The following LLGL2 variants were observed in gnomAD, a reference collection of about 807,000 sequenced individuals.
LLGL2 encodes LLGL scribble cell polarity complex component 2.
A neutral mutation model predicts 123.2 loss-of-function variants in LLGL2; 81 were observed. That is an observed-to-expected ratio of 0.66 (90% CI 0.55 to 0.79). LLGL2 has a LOEUF of 0.79. Among genes scored for constraint, LLGL2 ranks in the 30% least tolerant of loss-of-function variants. The pLI is 0.00. For synonymous variants in LLGL2, 577 were observed against 594.1 expected (o/e 0.97, Z 0.42); for missense variants, 1,273 against 1,414.6 (o/e 0.90, Z 1.61).
intron 1 of LLGL2, among the ~76,000 whole-genome samples, chr17:75,532,077 C>CACACACACACA (rs58220046): frequency 6.0e-4 from 50 of 83,982 alleles, no homozygotes; most frequent in African/African-American, 1.2e-3. Flanking sequence ...CACACACACA[C>CACACACACACA]TTTTTTTTTT....
intron 21 of LLGL2, 104 bp downstream of exon 21, chr17:75,573,735 G>A (rs557771452): frequency 2.1e-5 from 24 of 1,129,178 alleles, no homozygotes; most frequent in Admixed American, 3.0e-5. Flanking sequence ...ACCTCCCCAC[G>A]AGCTCAGCCC....
chr17:75,555,814 G>A (rs947510871), intron 2 of LLGL2, among the ~76,000 whole-genome samples: 3 of 152,174 alleles, frequency 2.0e-5, no homozygotes, highest in Non-Finnish European at 2.9e-5. Flanking sequence ...GTATGGTGTC[G>A]GGGAAGATCA....
chr17:75,535,904 G>A (rs769401516), intron 1 of LLGL2, among the ~76,000 whole-genome samples: 3 of 152,210 alleles, frequency 2.0e-5, no homozygotes, highest in Non-Finnish European at 2.9e-5. Context: ...TGGGTGAGTG[G>A]AACAGTGAGG....
At chr17:75,535,316 G>A (rs1443522398) in intron 1 of LLGL2, among the ~76,000 whole-genome samples, 3 of 152,262 alleles carry the variant, frequency 2.0e-5, no homozygotes, top group Non-Finnish European at 4.4e-5. Flanking sequence ...GCTGTGGGGA[G>A]CACGAGCGAA....
intron 10 of LLGL2, chr17:75,568,242 G>T (rs935046224): frequency 7.1e-7 from 1 of 1,416,712 alleles, no homozygotes; most frequent in South Asian, 1.6e-5. Context: ...TTCCAGCCAG[G>T]TGTATCCCCC....
intron 2 of LLGL2, 92 bp downstream of exon 2, chr17:75,543,593 T>TGCCTGC: frequency 1.0e-6 from 1 of 997,056 alleles, no homozygotes; most frequent in Non-Finnish European, 1.5e-6. Flanking sequence ...GATTAAGGTA[T>TGCCTGC]AGCTCTTATG....
chr17:75,571,631 C>T, intron 17 of LLGL2, 36 bp from the exon 18 acceptor site: 1 of 1,523,498 alleles, frequency 6.6e-7, no homozygotes, highest in Non-Finnish European at 9.0e-7. Flanking sequence ...GACTCCCACG[C>T]TAAGGGTCAG....
At chr17:75,552,885 G>C (rs1474129082) in intron 2 of LLGL2, among the ~76,000 whole-genome samples, 1 of 152,214 alleles carries the variant, frequency 6.6e-6, no homozygotes, top group African/African-American at 2.4e-5. Flanking sequence ...GGAGCATGGG[G>C]CCTGCTCCTG....
At position 75,574,223 on chromosome 17, in the gene LLGL2, C is replaced by G. The variant is rs559232777; in HGVS notation, c.2916C>G (p.Pro972=). The change falls in exon 23 of 26, where the codon CCC becomes CCG. Residue 972 remains proline (P), a synonymous_variant. Transcript: ENST00000392550. ...GTQSDGEEKQ[P]GLVMERALLS... ...GCCTCTACCTTCCAGAGAAGCAGCC[C>G]GGCCTGGTGATGGAGCGCGCTCTGC... The G allele has an allele frequency of 3.8e-6, 5 of 1,329,626 alleles. No homozygotes were observed. The South Asian group carries it at 5.0e-5, about 13-fold the overall frequency. 82.4% of individuals were successfully genotyped at this position (1,329,626 alleles called of 1,614,324 possible). A position where few individuals can be genotyped will look rare whatever the true frequency, so the allele number is the denominator to read the frequency against.
chr17:75,568,638 T>C lies in LLGL2; in HGVS notation c.1199T>C (p.Leu400Pro), dbSNP rs756949213. Residue 400 changes from leucine (L) to proline (P), a missense_variant, in exon 11 of 26, where the codon CTG becomes CCG. Leu to Pro is a moderately conservative substitution (Grantham distance 98). Coordinates refer to ENST00000392550, the MANE Select transcript of LLGL2 (RefSeq NM_001031803.2). Reference sequence around the variant, plus strand: ...CACGTCTCCAACATCCCGCTGAAGCTGTGGGAGCGGATCATTGCCGCCGGC... The same window carrying C: ...CACGTCTCCAACATCCCGCTGAAGCCGTGGGAGCGGATCATTGCCGCCGGC... ...SHHVSNIPLK[L>P]WERIIAAGSR... The C allele has an allele frequency of 3.4e-5, 55 of 1,613,812 alleles. No individual in the cohort carries two copies. The highest frequency in any genetic ancestry group is 4.5e-5 in the Non-Finnish European group (53 of 1,180,044).
intron 10 of LLGL2, among the ~76,000 whole-genome samples, chr17:75,565,876 C>A (rs1462003934): frequency 6.6e-6 from 1 of 152,232 alleles, no homozygotes; most frequent in African/African-American, 2.4e-5. Flanking sequence ...TAATGAGCAA[C>A]TGCTATATGC....
chr17:75,550,339 A>G (rs2054609446), intron 2 of LLGL2, among the ~76,000 whole-genome samples: 1 of 152,150 alleles, frequency 6.6e-6, no homozygotes, highest in Non-Finnish European at 1.5e-5. Flanking sequence ...CACTCCCTCT[A>G]ACAGGGACCT....
Position 75,570,464 on chromosome 17 carries a change from G to A in LLGL2, c.1991G>A (p.Ser664Asn). 6.3e-7 allele frequency: 1 copy of A among 1,588,794 alleles called. No individual in the cohort carries two copies. The highest frequency in any genetic ancestry group is 1.3e-5 in the African/African-American group (1 of 74,540). Residue 664 changes from serine to asparagine, a missense_variant, in exon 16 of 26, where the codon AGC (serine) becomes AAC (asparagine). By Grantham distance (46) the Ser-to-Asn change is conservative. Transcript: ENST00000392550. ...CGGATGCGTCGGAGCCGGGTGTCCAGCCGGAAGCGGCACCCGGCTGGCCCC... is the reference window on the plus strand; with the variant it reads ...CGGATGCGTCGGAGCCGGGTGTCCAACCGGAAGCGGCACCCGGCTGGCCCC... ...FRRMRRSRVS[S>N]RKRHPAGPPG...
chr17:75,553,868 G>A (rs983090352), intron 2 of LLGL2, among the ~76,000 whole-genome samples: 2 of 152,140 alleles, frequency 1.3e-5, no homozygotes, highest in South Asian at 2.1e-4. Flanking sequence ...CTCAAGTGGT[G>A]CAGACAAAGA....
At chr17:75,529,338 A>T (rs2053690651) in intron 1 of LLGL2, among the ~76,000 whole-genome samples, 1 of 151,368 alleles carries the variant, frequency 6.6e-6, no homozygotes, top group Non-Finnish European at 1.5e-5. Flanking sequence ...CTGGGATTGC[A>T]GGCAGGCACC....
rs1197909665 is a variant in LLGL2 at position 75,558,990 on chromosome 17, C to T, written c.372-262C>T. The T allele has an allele frequency of 9.0e-6, 5 of 554,710 alleles. No individual in the cohort carries two copies. The highest frequency in any genetic ancestry group is 1.6e-5 in the Non-Finnish European group (5 of 310,618). 34.4% of individuals were successfully genotyped at this position (554,710 alleles called of 1,614,324 possible). A position where few individuals can be genotyped will look rare whatever the true frequency, so the allele number is the denominator to read the frequency against. Reference sequence around the variant, plus strand: ...CGCCTCCTCCATCCGCACCCCGCCTCCTCCATCTGCACCCCGCCTCCTCCA... The same window carrying T: ...CGCCTCCTCCATCCGCACCCCGCCTTCTCCATCTGCACCCCGCCTCCTCCA... On this transcript the variant is annotated intron_variant, in intron 5 of 25. Transcript: ENST00000392550. The surrounding 1 kb of genome is among the most constrained non-coding windows in gnomAD (Gnocchi z 4.0).
At chr17:75,574,826 C>T (rs368291164) in intron 25 of LLGL2, 45 bp from the exon 26 acceptor site, 87 of 1,610,754 alleles carry the variant, frequency 5.4e-5, no homozygotes, top group Middle Eastern at 1.7e-4. Context: ...TGGGGCACCC[C>T]GTCCTGCCCA....
At chr17:75,552,576 T>G (rs993020972) in intron 2 of LLGL2, among the ~76,000 whole-genome samples, 1 of 152,256 alleles carries the variant, frequency 6.6e-6, no homozygotes, top group Non-Finnish European at 1.5e-5. Flanking sequence ...GTTTGTGTTT[T>G]TGAATGCTCA....
At chr17:75,568,092 G>A (rs929289459) in intron 10 of LLGL2, 9 of 1,130,566 alleles carry the variant, frequency 8.0e-6, no homozygotes, top group African/African-American at 1.6e-5. Flanking sequence ...TGAAGACCAC[G>A]CGTGCTGCTG....
Sources: gnomAD v4.1 joint callset for allele counts (sites outside exome capture counted in the v4.1 genomes callset) on GRCh38, gnomAD v4.1.1 for gene constraint, Gnocchi (gnomAD v3.1) non-coding constraint, MANE v1.5 for transcripts, NCBI Gene and HGNC (gene_info 2026-07-23, HGNC 2026-07-21) for gene names.